AKAP7: variants seen among roughly 807,000 people sequenced by gnomAD.
The protein encoded by AKAP7 is A-kinase anchoring protein 7.
Under a neutral mutation model 39.5 loss-of-function variants are expected in AKAP7, and 39 were observed. The observed-to-expected ratio is 0.99, with a 90% confidence interval of 0.76 to 1.29. The LOEUF (loss-of-function observed/expected upper bound fraction) is 1.29, where lower values mean the gene tolerates loss of function less well. Among genes scored for constraint, AKAP7 ranks in the 50% most tolerant of loss-of-function variants. AKAP7 has a pLI of 0.00. For missense variants in AKAP7, 414 were observed against 407.7 expected (o/e 1.02, Z -0.13); for synonymous variants, 140 against 139.1 (o/e 1.01, Z -0.05).
At chr6:131,196,466 G>A (rs1048396992) in intron 5 of AKAP7, among the ~76,000 whole-genome samples, 1 of 151,996 alleles carries the variant, frequency 6.6e-6, no homozygotes, top group Non-Finnish European at 1.5e-5. Flanking sequence ...GTTTCACCAT[G>A]TTGGCCAGGC....
At chr6:131,253,148 T>C (rs761001517) in intron 7 of AKAP7, 1 of 1,577,090 alleles carries the variant, frequency 6.3e-7, no homozygotes, top group South Asian at 1.1e-5. Flanking sequence ...TGCTATTTTA[T>C]CCTGCTTTTG....
intron 2 of AKAP7, among the ~76,000 whole-genome samples, chr6:131,158,921 A>AC (rs1466631845): frequency 6.6e-6 from 1 of 152,044 alleles, no homozygotes; most frequent in African/African-American, 2.4e-5. Flanking sequence ...CTGTTAAAAA[A>AC]AAAAAAAAGA....
At chr6:131,227,549 C>G (rs1225543124) in intron 7 of AKAP7, among the ~76,000 whole-genome samples, 1 of 152,068 alleles carries the variant, frequency 6.6e-6, no homozygotes, top group Non-Finnish European at 1.5e-5. Context: ...AGGACCGAGT[C>G]CTAAAGATAA....
At chr6:131,140,015 C>T (rs781141322) in intron 1 of AKAP7, among the ~76,000 whole-genome samples, 16 of 152,176 alleles carry the variant, frequency 1.1e-4, no homozygotes, top group African/African-American at 2.7e-4. Flanking sequence ...TTTTCCCTGA[C>T]GGTAGAGGTC....
Position 131,199,542 on chromosome 6 carries a change from A to T in AKAP7, c.671A>T (p.Lys224Met). Reference sequence around the variant, plus strand: ...TTTAAACCTCATTTGACCTTCATGAAGTTGTCAAAATCACCGTGGCTCCGT... The same window carrying T: ...TTTAAACCTCATTTGACCTTCATGATGTTGTCAAAATCACCGTGGCTCCGT... Reference protein sequence around the residue: ...RSFKPHLTFMKLSKSPWLRKN... With the variant: ...RSFKPHLTFMMLSKSPWLRKN... Residue 224 changes from lysine to methionine, a missense_variant, in exon 6 of 8, where the codon AAG (lysine) becomes ATG (methionine). Lys to Met is a moderately conservative substitution (Grantham distance 95, BLOSUM62 -1). Coordinates refer to ENST00000431975, the MANE Select transcript of AKAP7 (RefSeq NM_016377.4). 5 of 1,611,324 alleles carry T rather than the reference A, an allele frequency of 3.1e-6. No individual in the cohort carries two copies. The highest frequency in any genetic ancestry group is 3.4e-6 in the Non-Finnish European group (4 of 1,177,642).
At chr6:131,232,978 G>A (rs1321557426) in intron 7 of AKAP7, among the ~76,000 whole-genome samples, 1 of 151,006 alleles carries the variant, frequency 6.6e-6, no homozygotes, top group Non-Finnish European at 1.5e-5. Context: ...TTATTGGCGT[G>A]TGATCAACAC....
rs932815521 is a variant in AKAP7, at chr6:131,282,643, C to T, written c.*917C>T. ...ATTGTGACAACATAGCTTATGAAAT[C>T]TTTTCAGCTTATTAAGTAGCTCTTT... On this transcript the variant is annotated 3_prime_UTR_variant, in exon 8 of 8. Coordinates refer to ENST00000431975, the MANE Select transcript of AKAP7 (RefSeq NM_016377.4). The T allele has an allele frequency of 6.7e-7, 1 of 1,482,024 alleles. No individual in the cohort carries two copies. Among genetic ancestry groups the T allele is most frequent in the Non-Finnish European group, 9.1e-7 (1 of 1,103,070 alleles). 91.8% of individuals were successfully genotyped at this position (1,482,024 alleles called of 1,614,324 possible).
At chr6:131,184,774 T>C in intron 5 of AKAP7, 1 of 1,254,994 alleles carries the variant, frequency 8.0e-7, no homozygotes, top group Non-Finnish European at 1.2e-6. Context: ...TTGGGAGTCT[T>C]CTTTGTCCTC....
intron 7 of AKAP7, among the ~76,000 whole-genome samples, chr6:131,244,881 T>C (rs1349373078): frequency 9.2e-5 from 14 of 152,308 alleles, no homozygotes; most frequent in Non-Finnish European, 1.6e-4. Context: ...TAAAATTGTA[T>C]AGCATATGGC....
At chr6:131,227,716 G>T (rs1810297240) in intron 7 of AKAP7, among the ~76,000 whole-genome samples, 1 of 152,196 alleles carries the variant, frequency 6.6e-6, no homozygotes, top group Admixed American at 6.5e-5. Context: ...CTGTAGTTTA[G>T]TCAGAATGTG....
chr6:131,160,407 CTT>C, intron 3 of AKAP7, among the ~76,000 whole-genome samples: 1 of 152,204 alleles, frequency 6.6e-6, no homozygotes, highest in African/African-American at 2.4e-5. Context: ...GAGACAGGGT[CTT>C]GCTCTGGCAC....
intron 3 of AKAP7, chr6:131,164,301 G>T (rs1584985928): frequency 2.2e-6 from 1 of 449,370 alleles, no homozygotes; most frequent in Non-Finnish European, 4.5e-6. Context: ...TTTGTATTCA[G>T]ACTACTTTCA....
chr6:131,196,781 T>C (rs1190209518), intron 5 of AKAP7, among the ~76,000 whole-genome samples: 3 of 152,158 alleles, frequency 2.0e-5, no homozygotes, highest in Non-Finnish European at 4.4e-5. Context: ...TTCACATGTA[T>C]GCCAAATGAT....
At chr6:131,159,396 G>T (rs9375804) in intron 2 of AKAP7, among the ~76,000 whole-genome samples, 30,433 of 152,014 alleles carry the variant, frequency 0.2, 4,217 homozygotes, top group East Asian at 0.73. Context: ...CCTGGCCAAG[G>T]ATCAGTTTTT....
chr6:131,193,609 G>A (rs1806631188), intron 5 of AKAP7, among the ~76,000 whole-genome samples: 1 of 151,976 alleles, frequency 6.6e-6, no homozygotes, highest in Non-Finnish European at 1.5e-5. Flanking sequence ...TCTATTTTTT[G>A]GAGTAGTTTC....
At chr6:131,127,857 G>C in the AKAP7 span, among the ~76,000 whole-genome samples, 1 of 152,162 alleles carries the variant, frequency 6.6e-6, no homozygotes, top group African/African-American at 2.4e-5. Flanking sequence ...AATAAAGAAT[G>C]AAATCATGTC....
chr6:131,155,600 T>G (rs1449196335), intron 2 of AKAP7, among the ~76,000 whole-genome samples: 1 of 152,220 alleles, frequency 6.6e-6, no homozygotes, highest in Non-Finnish European at 1.5e-5. Context: ...AGCTAGCTAT[T>G]TAATTTCCTA....
At chr6:131,232,200 G>A (rs1348494101) in intron 7 of AKAP7, among the ~76,000 whole-genome samples, 3 of 152,130 alleles carry the variant, frequency 2.0e-5, no homozygotes, top group Non-Finnish European at 4.4e-5. Context: ...AAGTTTATCT[G>A]AAAAATTAAG....
intron 5 of AKAP7, among the ~76,000 whole-genome samples, chr6:131,183,784 G>A (rs1000061705): frequency 1.3e-5 from 2 of 152,070 alleles, no homozygotes; most frequent in African/African-American, 2.4e-5. Flanking sequence ...TACGTAGCAG[G>A]AACAGAGGGC....
Sources: allele counts gnomAD v4.1 joint callset (sites outside exome capture counted in the v4.1 genomes callset), GRCh38; gene constraint gnomAD v4.1.1; transcripts MANE v1.5; gene names NCBI Gene and HGNC (gene_info 2026-07-23, HGNC 2026-07-21).